Variants in BCO2 observed in about 807,000 individuals in gnomAD.
BCO2 encodes the protein carotenoid-cleaving dioxygenase, mitochondrial.
BCO2 carries 56 observed loss-of-function variants against 65.8 expected under a neutral mutation model. The observed-to-expected ratio is 0.85, with a 90% CI of 0.69 to 1.06. BCO2 has a LOEUF of 1.06. BCO2 is among the 50% of genes least tolerant of loss of function. BCO2 has a pLI of 0.00. For missense variants in BCO2, 675 were observed against 698.5 expected (o/e 0.97, Z 0.38); for synonymous variants, 233 against 242.3 (o/e 0.96, Z 0.36).
chr11:112,197,603 C>G (rs1867617595), intron 5 of BCO2, among the ~76,000 whole-genome samples: 2 of 151,714 alleles, frequency 1.3e-5, no homozygotes, highest in South Asian at 4.2e-4. Flanking sequence ...ATCAAAAATC[C>G]AACCACTTCA....
Position 112,214,865 on chromosome 11 carries a change from A to C in BCO2, c.1436A>C (p.His479Pro), listed in dbSNP as rs1474301428. Residue 479 changes from histidine (H) to proline (P), a missense_variant, in exon 10 of 12, where the codon CAT (histidine) becomes CCT (proline). By Grantham distance (77) the His-to-Pro change is moderately conservative (BLOSUM62 -2). Transcript: ENST00000357685. ...GATCGATTCAGTGGCAAAAAGTATC[A>C]TTTCTTTTATGGCTGTGGCTTTCGG... ...YYDRFSGKKY[H>P]FFYGCGFRHL... 6.2e-7 allele frequency: 1 copy of C among 1,614,126 alleles called. No individual in the cohort carries two copies. Among genetic ancestry groups the C allele is most frequent in the South Asian group, 1.1e-5 (1 of 91,088 alleles).
At chr11:112,184,347 G>C (rs918544649) in intron 2 of BCO2, among the ~76,000 whole-genome samples, 1 of 151,698 alleles carries the variant, frequency 6.6e-6, no homozygotes, top group Non-Finnish European at 1.5e-5. Flanking sequence ...CCGCCTCCCA[G>C]GTTCACATCA....
chr11:112,186,945 A>G (rs1348742042), intron 2 of BCO2, among the ~76,000 whole-genome samples: 4 of 152,228 alleles, frequency 2.6e-5, no homozygotes, highest in Non-Finnish European at 4.4e-5. Context: ...TTCAGGATCC[A>G]TAGTCTAGGC....
intron 7 of BCO2, 142 bp from the exon 8 acceptor site, chr11:112,201,881 A>T: frequency 1.7e-6 from 1 of 598,602 alleles, no homozygotes; most frequent in Non-Finnish European, 2.7e-6. Context: ...TTCTACTTTT[A>T]TATATACTGG....
Position 112,199,829 on chromosome 11 carries a change from T to G in BCO2, c.865+2T>G. The G allele has an allele frequency of 6.2e-7, 1 of 1,613,982 alleles. No individual in the cohort carries two copies. The highest frequency in any genetic ancestry group is 8.5e-7 in the Non-Finnish European group (1 of 1,179,910). ...AACCTTCTTACTACCATAGCTTTGG[T>G]GAGTCCAGAGATAAGGCAAATTTCA... On this transcript the variant is annotated splice_donor_variant, in intron 6 of 11. Coordinates refer to ENST00000357685, the MANE Select transcript of BCO2 (RefSeq NM_031938.7). LOFTEE classifies it high-confidence loss of function.
intron 2 of BCO2, among the ~76,000 whole-genome samples, chr11:112,185,982 A>G (rs1223948585): frequency 6.6e-6 from 1 of 152,080 alleles, no homozygotes; most frequent in Non-Finnish European, 1.5e-5. Flanking sequence ...GTAAATCATC[A>G]TGCCCTTTCC....
At chr11:112,209,751 A>T (rs968682795) in intron 8 of BCO2, among the ~76,000 whole-genome samples, 7 of 152,188 alleles carry the variant, frequency 4.6e-5, no homozygotes, top group African/African-American at 1.7e-4. Context: ...AATGTTCATA[A>T]CAGCCATTGA....
At chr11:112,202,802 T>C (rs183984233) in intron 8 of BCO2, among the ~76,000 whole-genome samples, 43 of 152,170 alleles carry the variant, frequency 2.8e-4, no homozygotes, top group African/African-American at 9.9e-4. Flanking sequence ...TCCCAGCAGT[T>C]TGGGAGGCTG....
chr11:112,216,170 T>C, intron 10 of BCO2, 50 bp from the exon 11 acceptor site: 1 of 1,255,128 alleles, frequency 8.0e-7, no homozygotes. Context: ...CATAGAAAGC[T>C]CCCTACTTAC....
chr11:112,194,704 T>A lies in BCO2; in HGVS notation c.685T>A (p.Tyr229Asn), dbSNP rs759263094. The change falls in exon 5 of 12, where the codon TAT becomes AAT. Residue 229 changes from tyrosine to asparagine, a missense_variant. By Grantham distance (143) the Tyr-to-Asn change is moderately radical (BLOSUM62 -2). Coordinates refer to ENST00000357685, the MANE Select transcript of BCO2 (RefSeq NM_031938.7). ...AVNGATAHPH[Y>N]DLDGTAYNMG... ...GAATGGAGCAACTGCACATCCTCAT[T>A]ATGACCTGGATGGAACAGCATACAA... 6.2e-7 allele frequency: 1 copy of A among 1,613,428 alleles called. No homozygotes were observed. Among genetic ancestry groups the A allele is most frequent in the Non-Finnish European group, 8.5e-7 (1 of 1,179,600 alleles).
rs1867674748 is a variant in BCO2, at chr11:112,199,634, G to A, written c.737-65G>A. On this transcript the variant is annotated intron_variant, in intron 5 of 11. Coordinates refer to ENST00000357685, the MANE Select transcript of BCO2 (RefSeq NM_031938.7). Reference sequence around the variant, plus strand: ...AATTGCTTTTGGCAAGTCCACAAGTGCAAGGGTTGTCTTTTAATCTAGAAT... The same window carrying A: ...AATTGCTTTTGGCAAGTCCACAAGTACAAGGGTTGTCTTTTAATCTAGAAT... The A allele has an allele frequency of 2.0e-6, 3 of 1,495,658 alleles. No individual in the cohort carries two copies. The South Asian group carries it at 3.6e-5, about 18-fold the overall frequency. 92.6% of individuals were successfully genotyped at this position (1,495,658 alleles called of 1,614,324 possible).
chr11:112,214,438 C>T (rs538233436), intron 9 of BCO2, among the ~76,000 whole-genome samples: 32 of 152,140 alleles, frequency 2.1e-4, no homozygotes, highest in Non-Finnish European at 4.4e-4. Context: ...CTTGAGCCAC[C>T]GCGTCCAGCT....
chr11:112,214,606 AT>A, intron 9 of BCO2, 155 bp from the exon 10 acceptor site: 1 of 610,862 alleles, frequency 1.6e-6, no homozygotes, highest in Non-Finnish European at 2.9e-6. Flanking sequence ...ATCCACACAT[AT>A]GATGGAAAGA....
intron 2 of BCO2, among the ~76,000 whole-genome samples, chr11:112,183,518 A>G (rs943940120): frequency 6.6e-6 from 1 of 152,214 alleles, no homozygotes; most frequent in Admixed American, 6.5e-5. Context: ...TGATGTGGAA[A>G]TACCATCTTG....
intron 8 of BCO2, among the ~76,000 whole-genome samples, chr11:112,212,586 A>C (rs1355678570): frequency 6.6e-6 from 1 of 152,198 alleles, no homozygotes; most frequent in East Asian, 1.9e-4. Context: ...GTCTAGAGGA[A>C]ACCAGGTACA....
At chr11:112,194,445 A>T in intron 4 of BCO2, 1 of 503,308 alleles carries the variant, frequency 2.0e-6, no homozygotes, top group East Asian at 3.6e-5. Context: ...TTTTGTTGTT[A>T]GTAGTGGTGA....
Position 112,218,341 on chromosome 11 carries a change from A to G in BCO2, c.*467A>G, listed in dbSNP as rs1859745602. 6.4e-6 allele frequency: 1 copy of G among 156,564 alleles called. No individual in the cohort carries two copies. The highest frequency in any genetic ancestry group is 6.3e-5 in the Admixed American group (1 of 15,856). The allele number at this position is 156,564 out of a possible 1,614,324, so 9.7% of individuals were successfully genotyped here. A position where few individuals can be genotyped will look rare whatever the true frequency, so the allele number is the denominator to read the frequency against. On this transcript the variant is annotated 3_prime_UTR_variant, in exon 12 of 12. Coordinates refer to ENST00000357685, the MANE Select transcript of BCO2 (RefSeq NM_031938.7). ...ATACACCATCATGACCAATGGAGGC[A>G]TTGCTGCTGGAGGTGTCATGGCCAT...
At chr11:112,215,113 T>G in intron 10 of BCO2, 169 bp downstream of exon 10, 1 of 648,354 alleles carries the variant, frequency 1.5e-6, no homozygotes. Flanking sequence ...ATGTTCCTTC[T>G]AGGGAATCCA....
At chr11:112,178,431 C>A (rs10891332) in intron 1 of BCO2, among the ~76,000 whole-genome samples, 147,056 of 152,324 alleles carry the variant, frequency 0.97, 71,049 homozygotes, top group East Asian at 1. Flanking sequence ...CTCACTTCTT[C>A]AGAGTAATAG....
Sources: allele counts gnomAD v4.1 joint callset (sites outside exome capture counted in the v4.1 genomes callset), GRCh38; gene constraint gnomAD v4.1.1; transcripts MANE v1.5; gene names NCBI Gene and HGNC (gene_info 2026-07-23, HGNC 2026-07-21).